The following NBAS variants were observed in gnomAD, a reference collection of about 807,000 sequenced individuals.
NBAS encodes NBAS subunit of NRZ tethering complex, also known as NAG/BC035112 fusion.
A neutral mutation model predicts 302.5 loss-of-function variants in NBAS; 219 were observed. The observed-to-expected ratio is 0.72, with a 90% CI of 0.65 to 0.81. The LOEUF (loss-of-function observed/expected upper bound fraction) is 0.81. NBAS is among the 30% of genes least tolerant of loss of function. The pLI is 0.00. For missense variants in NBAS, 2,932 were observed against 2,841.6 expected (o/e 1.03, Z -0.72); for synonymous variants, 1,118 against 1,021.6 (o/e 1.09, Z -1.80).
the NBAS span, among the ~76,000 whole-genome samples, chr2:14,826,900 C>T: frequency 6.6e-6 from 1 of 152,182 alleles, no homozygotes; most frequent in Non-Finnish European, 1.5e-5. Flanking sequence ...TGCTAGAGAA[C>T]ATGTTCCAAC....
the NBAS span, among the ~76,000 whole-genome samples, chr2:15,109,105 A>T: frequency 6.6e-6 from 1 of 152,152 alleles, no homozygotes; most frequent in Non-Finnish European, 1.5e-5. Context: ...GAGGTTGTTA[A>T]AATGCATTAG....
At chr2:15,446,705 C>G (rs1678763273) in intron 21 of NBAS, among the ~76,000 whole-genome samples, 1 of 151,912 alleles carries the variant, frequency 6.6e-6, no homozygotes, top group Non-Finnish European at 1.5e-5. Context: ...TTACGGAGTT[C>G]ATAACACATG....
At chr2:15,305,638 G>A (rs1428634825) in intron 40 of NBAS, among the ~76,000 whole-genome samples, 1 of 151,852 alleles carries the variant, frequency 6.6e-6, no homozygotes, top group Non-Finnish European at 1.5e-5. Flanking sequence ...TTTTAGTAGA[G>A]GCGGGGTTTC....
chr2:14,940,459 G>A, the NBAS span, among the ~76,000 whole-genome samples: 1 of 152,138 alleles, frequency 6.6e-6, no homozygotes, highest in African/African-American at 2.4e-5. Context: ...TACAGCCTAT[G>A]AAACTGTGAG....
intron 26 of NBAS, 24 bp from the exon 27 acceptor site, chr2:15,396,499 A>C (rs752299783): frequency 2.0e-6 from 3 of 1,527,512 alleles, no homozygotes; most frequent in East Asian, 4.5e-5. Context: ...AGAAGAAAAA[A>C]AAAAGCCCTT....
the NBAS span, among the ~76,000 whole-genome samples, chr2:14,909,290 G>T: frequency 6.8e-6 from 1 of 146,796 alleles, no homozygotes; most frequent in Non-Finnish European, 1.5e-5. Context: ...ACTGCACTCC[G>T]GCCTGGGTGA....
the NBAS span, among the ~76,000 whole-genome samples, chr2:14,989,742 T>C: frequency 6.6e-6 from 1 of 152,100 alleles, no homozygotes; most frequent in Non-Finnish European, 1.5e-5. Flanking sequence ...GCAGCATCAA[T>C]TGACATGTAG....
At position 15,218,899 on chromosome 2, in the gene NBAS, C is replaced by A. The variant is rs755415568; in HGVS notation, c.6306G>T (p.Pro2102=). 6.2e-7 allele frequency: 1 copy of A among 1,614,242 alleles called. No homozygotes were observed. Among genetic ancestry groups the A allele is most frequent in the South Asian group, 1.1e-5 (1 of 91,084 alleles). The change falls in exon 48 of 52, where the codon CCG becomes CCT. Residue 2102 remains proline (P), a synonymous_variant. Transcript: ENST00000281513. ...LRPFCADDAW[P]VRPRIHVLQI... is the part of the protein sequence containing the mutation. Reference sequence around the variant, plus strand: ...GCAGCACGTGAATGCGGGGCCGCACCGGCCAGGCGTCATCAGCACAGAAAG... The same window carrying A: ...GCAGCACGTGAATGCGGGGCCGCACAGGCCAGGCGTCATCAGCACAGAAAG...
At chr2:14,854,329 G>A in the NBAS span, among the ~76,000 whole-genome samples, 1 of 151,772 alleles carries the variant, frequency 6.6e-6, no homozygotes, top group Non-Finnish European at 1.5e-5. Flanking sequence ...ATAAAGATCA[G>A]ACCAAAAATA....
intron 32 of NBAS, among the ~76,000 whole-genome samples, chr2:15,361,857 G>A (rs1673943806): frequency 6.6e-6 from 1 of 151,966 alleles, no homozygotes; most frequent in East Asian, 1.9e-4. Context: ...GCACATGCCT[G>A]TAATCCCAGC....
At chr2:15,021,372 G>A in the NBAS span, among the ~76,000 whole-genome samples, 1 of 152,156 alleles carries the variant, frequency 6.6e-6, no homozygotes, top group Admixed American at 6.5e-5. Flanking sequence ...ACACTAAAGG[G>A]GGAATGAACA....
intron 8 of NBAS, among the ~76,000 whole-genome samples, chr2:15,535,696 T>C (rs1367563009): frequency 6.6e-6 from 1 of 152,138 alleles, no homozygotes; most frequent in Non-Finnish European, 1.5e-5. Context: ...ATAGTAGTTA[T>C]ACTATATTGT....
In NBAS at chr2:15,439,658, G is replaced by T. The variant is rs181127688; in HGVS notation, c.2340-11864C>A. Among the ~76,000 whole-genome samples, 438 of 152,236 alleles carry T rather than the reference G, an allele frequency of 2.9e-3. 4 individuals are homozygous for T. Among genetic ancestry groups the T allele is most frequent in the African/African-American group, 1.0e-2 (415 of 41,534 alleles). ...AGGGAGTGCCAGACAGTGGGCGCAGGTCAGTGGGTGCAGCGCGCCGTGCAC... is the reference window on the plus strand; with the variant it reads ...AGGGAGTGCCAGACAGTGGGCGCAGTTCAGTGGGTGCAGCGCGCCGTGCAC... On this transcript the variant is annotated intron_variant, in intron 21 of 51. Transcript: ENST00000281513.
intron 40 of NBAS, among the ~76,000 whole-genome samples, chr2:15,297,434 G>A (rs1670599567): frequency 6.6e-6 from 1 of 152,212 alleles, no homozygotes; most frequent in African/African-American, 2.4e-5. Flanking sequence ...GCCCTGGTGG[G>A]AGGTAACTGA....
At chr2:15,518,151 G>GA (rs1662492811) in intron 9 of NBAS, among the ~76,000 whole-genome samples, 1 of 147,382 alleles carries the variant, frequency 6.8e-6, no homozygotes, top group Non-Finnish European at 1.5e-5. Flanking sequence ...AAAAAACAGT[G>GA]AATTGGCTTT....
At chr2:14,963,474 A>C in the NBAS span, among the ~76,000 whole-genome samples, 3 of 152,142 alleles carry the variant, frequency 2.0e-5, no homozygotes, top group Non-Finnish European at 1.5e-5. Context: ...GGTGTAACAC[A>C]TACTTTTTCA....
chr2:14,982,578 A>T, the NBAS span, among the ~76,000 whole-genome samples: 1 of 152,256 alleles, frequency 6.6e-6, no homozygotes, highest in African/African-American at 2.4e-5. Flanking sequence ...AGAGAGAAAA[A>T]GCTTTAGGAA....
the NBAS span, among the ~76,000 whole-genome samples, chr2:14,968,249 G>T: frequency 2.6e-5 from 4 of 152,234 alleles, no homozygotes; most frequent in Non-Finnish European, 5.9e-5. Flanking sequence ...AATATATAAA[G>T]AACTCTTACA....
chr2:15,154,139 C>G, the NBAS span, among the ~76,000 whole-genome samples: 1 of 152,210 alleles, frequency 6.6e-6, no homozygotes, highest in Admixed American at 6.5e-5. Context: ...CTAATGTATC[C>G]ACTTGGAAGT....
Sources: allele counts gnomAD v4.1 joint callset (sites outside exome capture counted in the v4.1 genomes callset), GRCh38; gene constraint gnomAD v4.1.1; transcripts MANE v1.5; gene names NCBI Gene and HGNC (gene_info 2026-07-23, HGNC 2026-07-21).